Variants in WWOX observed in about 807,000 individuals in gnomAD.
The protein encoded by WWOX is WW domain-containing oxidoreductase.
WWOX carries 69 observed loss-of-function variants against 46.2 expected under a neutral mutation model. That is an observed-to-expected ratio of 1.49 (90% CI 1.23 to 1.82). WWOX has a LOEUF of 1.82. Among genes scored for constraint, WWOX ranks in the 40% most tolerant of loss-of-function variants. WWOX has a pLI of 0.00. For missense variants in WWOX, 919 were observed against 542.6 expected (o/e 1.69, Z -6.89); for synonymous variants, 359 against 202.6 (o/e 1.77, Z -6.56).
chr16:78,527,324 C>T (rs2043498254), intron 8 of WWOX, among the ~76,000 whole-genome samples: 2 of 140,180 alleles, frequency 1.4e-5, no homozygotes, highest in Non-Finnish European at 1.5e-5. Flanking sequence ...GACAGAGTCT[C>T]ACTCTGTTGC....
intron 8 of WWOX, among the ~76,000 whole-genome samples, chr16:78,787,937 C>G (rs1159031823): frequency 2.0e-5 from 3 of 152,138 alleles, no homozygotes; most frequent in East Asian, 1.9e-4. Flanking sequence ...TTATTTGTAT[C>G]TTTTTTAAAA....
At chr16:78,695,278 G>A (rs1023699835) in intron 8 of WWOX, among the ~76,000 whole-genome samples, 3 of 151,768 alleles carry the variant, frequency 2.0e-5, no homozygotes, top group Non-Finnish European at 4.4e-5. Context: ...ACATATTTTA[G>A]GTTGTGGGGA....
At chr16:78,171,061 G>A (rs7199799) in intron 5 of WWOX, among the ~76,000 whole-genome samples, 21,647 of 152,138 alleles carry the variant, frequency 0.14, 1,850 homozygotes, top group East Asian at 0.22. Flanking sequence ...GATTAGCATC[G>A]GAAATAATGA....
intron 8 of WWOX, among the ~76,000 whole-genome samples, chr16:78,861,164 T>C (rs562744566): frequency 1.3e-5 from 2 of 152,204 alleles, no homozygotes; most frequent in East Asian, 3.9e-4. Context: ...CTCTCTCTCT[T>C]TCTTCCTCTC....
At chr16:78,795,231 G>C (rs985271527) in intron 8 of WWOX, among the ~76,000 whole-genome samples, 2 of 152,172 alleles carry the variant, frequency 1.3e-5, no homozygotes, top group African/African-American at 4.8e-5. Flanking sequence ...ACACTTCACA[G>C]ATATTCTCTT....
At chr16:78,559,070 T>A (rs2044372558) in intron 8 of WWOX, among the ~76,000 whole-genome samples, 1 of 152,228 alleles carries the variant, frequency 6.6e-6, no homozygotes, top group Non-Finnish European at 1.5e-5. Flanking sequence ...CATAGTTCCG[T>A]CTGGCTTGGA....
At chr16:78,243,461 C>G (rs2037722419) in intron 5 of WWOX, among the ~76,000 whole-genome samples, 2 of 152,078 alleles carry the variant, frequency 1.3e-5, no homozygotes, top group African/African-American at 2.4e-5. Context: ...TTTTGTCACC[C>G]AGGTCAGAAG....
intron 8 of WWOX, among the ~76,000 whole-genome samples, chr16:79,014,512 A>C (rs1877942882): frequency 6.6e-6 from 1 of 152,224 alleles, no homozygotes; most frequent in South Asian, 2.1e-4. Context: ...CCGTTGCTCC[A>C]GATCCTTCTA....
chr16:78,392,132 A>C (rs2082188522), intron 6 of WWOX, among the ~76,000 whole-genome samples: 1 of 151,990 alleles, frequency 6.6e-6, no homozygotes, highest in African/African-American at 2.4e-5. Context: ...ATTGGGTGGC[A>C]TGGCAGGGAG....
chr16:78,472,456 T>A lies in WWOX; in HGVS notation c.1056+39704T>A, dbSNP rs530829184. 9.8e-5 allele frequency among the ~76,000 whole-genome samples: 15 copies of A among 152,314 alleles called. No individual in the cohort carries two copies. In the East Asian group the frequency reaches 2.9e-3, roughly 29 times the overall value. Reference sequence around the variant, plus strand: ...TTCTGTTAGTAGAAACTAATTTCTCTTGCTTTTCTCTAAAGTATACTTGAT... The same window carrying A: ...TTCTGTTAGTAGAAACTAATTTCTCATGCTTTTCTCTAAAGTATACTTGAT... On this transcript the variant is annotated intron_variant, in intron 8 of 8. Coordinates refer to ENST00000566780, the MANE Select transcript of WWOX (RefSeq NM_016373.4).
chr16:78,871,990 G>A (rs529060395), intron 8 of WWOX, among the ~76,000 whole-genome samples: 1 of 152,158 alleles, frequency 6.6e-6, no homozygotes, highest in Non-Finnish European at 1.5e-5. Context: ...GACCCTCTCA[G>A]ATGCCACTCA....
chr16:78,564,163 A>T (rs1289955208), intron 8 of WWOX, among the ~76,000 whole-genome samples: 1 of 152,258 alleles, frequency 6.6e-6, no homozygotes, highest in African/African-American at 2.4e-5. Context: ...TTGCTGACTC[A>T]TGCAATCTTG....
chr16:79,093,994 A>G (rs2049017361), intron 8 of WWOX, among the ~76,000 whole-genome samples: 1 of 152,202 alleles, frequency 6.6e-6, no homozygotes, highest in Non-Finnish European at 1.5e-5. Flanking sequence ...ATGCTAGGGA[A>G]TGAACGAATA....
intron 8 of WWOX, among the ~76,000 whole-genome samples, chr16:78,571,843 G>A (rs1331257567): frequency 6.6e-6 from 1 of 152,100 alleles, no homozygotes; most frequent in African/African-American, 2.4e-5. Context: ...TCTAGCCTGG[G>A]CAACAGAGCT....
chr16:78,974,200 C>G (rs147408392), intron 8 of WWOX, among the ~76,000 whole-genome samples: 4 of 152,334 alleles, frequency 2.6e-5, no homozygotes, highest in Admixed American at 2.0e-4. Context: ...GAAAAGAAGG[C>G]AAGCGTACTC....
chr16:79,022,380 T>A (rs373009333), intron 8 of WWOX, among the ~76,000 whole-genome samples: 1 of 151,114 alleles, frequency 6.6e-6, no homozygotes. Context: ...CCGCTTGTTA[T>A]CAAGCCTACT....
intron 8 of WWOX, among the ~76,000 whole-genome samples, chr16:78,507,847 G>C (rs1156719522): frequency 6.6e-6 from 1 of 152,168 alleles, no homozygotes; most frequent in Non-Finnish European, 1.5e-5. Flanking sequence ...AGACAAGCTT[G>C]TCCAACCCAT....
At chr16:78,703,625 G>GTT (rs145932400) in intron 8 of WWOX, among the ~76,000 whole-genome samples, 196 of 150,198 alleles carry the variant, frequency 1.3e-3, no homozygotes, top group African/African-American at 4.7e-3. Flanking sequence ...TTTTGTTTTT[G>GTT]TTTTTTTTTG....
Position 78,135,709 on chromosome 16 carries a change from AAAC to A in WWOX, c.409+20561_409+20563del, listed in dbSNP as rs199926989. Among the ~76,000 whole-genome samples the A allele has an allele frequency of 8.1e-3, 1,236 of 152,282 alleles. 16 individuals carry two copies. The highest frequency in any genetic ancestry group is 0.028 in the African/African-American group (1,169 of 41,534). ...GAAAAAAAAACAAAACAACAACAACAAACAACAAAAAAAACACCTTCCACTAAA... is the reference window on the plus strand; with the variant it reads ...GAAAAAAAAACAAAACAACAACAACAAACAAAAAAAACACCTTCCACTAAA... On this transcript the variant is annotated intron_variant, in intron 4 of 8. Coordinates refer to ENST00000566780, the MANE Select transcript of WWOX (RefSeq NM_016373.4).
Sources: allele counts gnomAD v4.1 joint callset (sites outside exome capture counted in the v4.1 genomes callset), GRCh38; gene constraint gnomAD v4.1.1; transcripts MANE v1.5; gene names NCBI Gene and HGNC (gene_info 2026-07-23, HGNC 2026-07-21).